TMEM255B: variants seen among roughly 807,000 people sequenced by gnomAD.
TMEM255B encodes the protein family with sequence similarity 70, member B.
Under a neutral mutation model 34.5 loss-of-function variants are expected in TMEM255B, and 35 were observed. The observed-to-expected ratio is 1.01, with a 90% CI of 0.77 to 1.34. The LOEUF (loss-of-function observed/expected upper bound fraction) is 1.34, where lower values mean the gene tolerates loss of function less well. Among genes scored for constraint, TMEM255B ranks in the 40% most tolerant of loss-of-function variants. TMEM255B has a pLI of 0.00. For missense variants in TMEM255B, 432 were observed against 433.2 expected, an observed-to-expected ratio of 1.00 and a Z score of 0.02; for synonymous variants, 206 against 201.2, an observed-to-expected ratio of 1.02 and a Z score of -0.20.
At chr13:113,785,366 C>T (rs1004999920) in intron 3 of TMEM255B, among the ~76,000 whole-genome samples, 1 of 152,208 alleles carries the variant, frequency 6.6e-6, no homozygotes, top group African/African-American at 2.4e-5. Flanking sequence ...AGGTTGCCCT[C>T]CAGGCAAAAC....
At chr13:113,793,890 A>T (rs1469572870) in intron 3 of TMEM255B, among the ~76,000 whole-genome samples, 1 of 152,118 alleles carries the variant, frequency 6.6e-6, no homozygotes, top group East Asian at 1.9e-4. Flanking sequence ...GGCGGCCACC[A>T]CTGGTCCATG....
intron 3 of TMEM255B, among the ~76,000 whole-genome samples, chr13:113,784,486 A>T (rs1398356496): frequency 6.6e-6 from 1 of 152,006 alleles, no homozygotes; most frequent in Non-Finnish European, 1.5e-5. Context: ...CGCCTCCCAG[A>T]CTGGAGCCAC....
chr13:113,812,079 G>T lies in TMEM255B; in HGVS notation c.*176G>T, dbSNP rs137919678. On this transcript the variant is annotated 3_prime_UTR_variant, in exon 9 of 9. Transcript: ENST00000375353. ...GAGGGAGGCTGGAACCAGGCAGGGA[G>T]TGGGGCCCTCCAGACCCAGGCTGGT... 58 of 815,554 alleles carry T rather than the reference G, an allele frequency of 7.1e-5. No homozygotes were observed. In the African/African-American group the frequency reaches 1.0e-3, roughly 14 times the overall value. 50.5% of individuals were successfully genotyped at this position (815,554 alleles called of 1,614,324 possible).
intron 3 of TMEM255B, among the ~76,000 whole-genome samples, chr13:113,783,958 C>T (rs1372910379): frequency 6.6e-6 from 1 of 152,098 alleles, no homozygotes; most frequent in Non-Finnish European, 1.5e-5. Flanking sequence ...ATATAGGGAA[C>T]CTCTTGTCAT....
At chr13:113,762,799 C>T (rs1027847724) in intron 1 of TMEM255B, among the ~76,000 whole-genome samples, 11 of 152,122 alleles carry the variant, frequency 7.2e-5, no homozygotes, top group African/African-American at 1.4e-4. Flanking sequence ...AGGAGCCCCA[C>T]GGAAGGTTCT....
At chr13:113,808,805 A>T (rs1190541541) in intron 8 of TMEM255B, among the ~76,000 whole-genome samples, 7 of 37,926 alleles carry the variant, frequency 1.8e-4, no homozygotes, top group East Asian at 1.2e-3. Flanking sequence ...GGGGGGGGTT[A>T]CTCCATGTTT....
chr13:113,815,528 C>A lies in TMEM255B; in HGVS notation c.*3625C>A, dbSNP rs1348497033. ...AGGTAATTGAATCATGGTGGCTGGT[C>A]TTTCCCGTGCTATTCTCGTGATAGT... On this transcript the variant is annotated 3_prime_UTR_variant, in exon 9 of 9. Coordinates refer to ENST00000375353, the MANE Select transcript of TMEM255B (RefSeq NM_182614.4). 6.6e-6 allele frequency: 1 copy of A among 152,344 alleles called. No homozygotes were observed. The highest frequency in any genetic ancestry group is 2.4e-5 in the African/African-American group (1 of 41,462). 9.4% of individuals were successfully genotyped at this position (152,344 alleles called of 1,614,324 possible). A position where few individuals can be genotyped will look rare whatever the true frequency, so the allele number is the denominator to read the frequency against.
At chr13:113,809,767 G>C (rs2051265905) in intron 8 of TMEM255B, among the ~76,000 whole-genome samples, 1 of 152,100 alleles carries the variant, frequency 6.6e-6, no homozygotes, top group Non-Finnish European at 1.5e-5. Context: ...GGGTTTATCT[G>C]TGGTCCTGGG....
In TMEM255B at chr13:113,812,945, G is replaced by GCA. The variant is rs1566342036; in HGVS notation, c.*1042_*1043insCA. On this transcript the variant is annotated 3_prime_UTR_variant, in exon 9 of 9. Coordinates refer to ENST00000375353, the MANE Select transcript of TMEM255B (RefSeq NM_182614.4). ...GTCACGGGTCCCGGGTGGGTCACGGGTCCCGGGTGGGTCACGGGCCCCGGG... is the reference window on the plus strand; with the variant it reads ...GTCACGGGTCCCGGGTGGGTCACGGGCATCCCGGGTGGGTCACGGGCCCCGGG... 34 of 144,784 alleles carry GCA rather than the reference G, an allele frequency of 2.3e-4. 3 individuals carry two copies. Among genetic ancestry groups the GCA allele is most frequent in the African/African-American group, 8.7e-4 (33 of 37,796 alleles). 9.0% of individuals were successfully genotyped at this position (144,784 alleles called of 1,614,324 possible).
Position 113,769,074 on chromosome 13 carries a change from C to G in TMEM255B, c.190-24C>G. The G allele has an allele frequency of 6.2e-7, 1 of 1,613,748 alleles. No individual in the cohort carries two copies. The highest frequency in any genetic ancestry group is 8.5e-7 in the Non-Finnish European group (1 of 1,179,660). On this transcript the variant is annotated intron_variant, in intron 2 of 8. Coordinates refer to ENST00000375353, the MANE Select transcript of TMEM255B (RefSeq NM_182614.4). This position sits in a 1 kb window ranked among gnomAD's most constrained non-coding sequence, Gnocchi z 4.2. ...TCTAGGCACGTTAATGAGTGTTTCT[C>G]TCTCGTTCTTCCTTTGGTTTTAGCT... is the stretch of plus-strand genomic sequence containing the variant.
intron 8 of TMEM255B, among the ~76,000 whole-genome samples, chr13:113,810,659 G>A (rs1187429300): frequency 2.0e-5 from 3 of 152,186 alleles, no homozygotes; most frequent in African/African-American, 4.8e-5. Context: ...GGCCACTGGG[G>A]CAGAGTCCAC....
At chr13:113,786,242 C>T (rs944907454) in intron 3 of TMEM255B, among the ~76,000 whole-genome samples, 1 of 151,952 alleles carries the variant, frequency 6.6e-6, no homozygotes, top group African/African-American at 2.4e-5. Flanking sequence ...CTGTCATTGC[C>T]ATCATCACCA....
chr13:113,787,621 G>T lies in TMEM255B; in HGVS notation c.253-7527G>T, dbSNP rs368419442. Among the ~76,000 whole-genome samples the T allele has an allele frequency of 4.5e-4, 69 of 152,268 alleles. No homozygotes were observed. The East Asian group carries it at 0.01, about 23-fold the overall frequency. ...GGTGTGCAGGTCAGACGTGAAGAAG[G>T]GAAGCTGGAGAGGAAATTGTTAATG... On this transcript the variant is annotated intron_variant, in intron 3 of 8. Coordinates refer to ENST00000375353, the MANE Select transcript of TMEM255B (RefSeq NM_182614.4).
At chr13:113,777,066 A>T (rs2050591279) in intron 3 of TMEM255B, among the ~76,000 whole-genome samples, 1 of 152,022 alleles carries the variant, frequency 6.6e-6, no homozygotes, top group Admixed American at 6.5e-5. Flanking sequence ...TTGTTTGGAA[A>T]ATCCAACTCA....
intron 3 of TMEM255B, among the ~76,000 whole-genome samples, chr13:113,771,111 A>G (rs895619509): frequency 5.9e-5 from 9 of 152,218 alleles, no homozygotes; most frequent in African/African-American, 1.9e-4. Context: ...GTGTTAAAAC[A>G]TGAATCACAT....
intron 3 of TMEM255B, among the ~76,000 whole-genome samples, chr13:113,771,683 A>C (rs1457358438): frequency 6.6e-6 from 1 of 152,010 alleles, no homozygotes; most frequent in Admixed American, 6.6e-5. Context: ...TGTCTCAAAT[A>C]ATAATAATAA....
At chr13:113,807,287 TACGGG>T (rs1216760667) in intron 8 of TMEM255B, among the ~76,000 whole-genome samples, 16 of 151,038 alleles carry the variant, frequency 1.1e-4, no homozygotes, top group African/African-American at 3.9e-4. Context: ...CACGCAGGCT[TACGGG>T]ATGTGGAGGG....
At chr13:113,796,597 T>C (rs1253142414) in intron 4 of TMEM255B, among the ~76,000 whole-genome samples, 2 of 152,050 alleles carry the variant, frequency 1.3e-5, no homozygotes, top group Non-Finnish European at 2.9e-5. Flanking sequence ...GAACAGGTTT[T>C]CTCTAAAGTC....
At chr13:113,797,121 G>T (rs1322413782) in intron 4 of TMEM255B, among the ~76,000 whole-genome samples, 1 of 152,108 alleles carries the variant, frequency 6.6e-6, no homozygotes, top group East Asian at 1.9e-4. Flanking sequence ...GCAGTCGGGG[G>T]TGTCCCCAGG....
Sources: gnomAD v4.1 joint callset for allele counts (sites outside exome capture counted in the v4.1 genomes callset) on GRCh38, gnomAD v4.1.1 for gene constraint, Gnocchi (gnomAD v3.1) non-coding constraint, MANE v1.5 for transcripts, NCBI Gene and HGNC (gene_info 2026-07-23, HGNC 2026-07-21) for gene names.